Variants in NCOR2 observed in about 807,000 individuals in gnomAD.
NCOR2 encodes the protein CTG repeat protein 26.
A neutral mutation model predicts 262.9 loss-of-function variants in NCOR2; 81 were observed. That is an observed-to-expected ratio of 0.31 (90% CI 0.26 to 0.37). The LOEUF (loss-of-function observed/expected upper bound fraction) is 0.37, where lower values mean the gene tolerates loss of function less well. Ranked by LOEUF, NCOR2 falls within the 10% of genes least tolerant of loss-of-function variation. The pLI is 1.00. For missense variants in NCOR2, 3,385 were observed against 3,621.4 expected, an observed-to-expected ratio of 0.93 and a Z score of 1.68; for synonymous variants, 1,659 against 1,559.3, an observed-to-expected ratio of 1.06 and a Z score of -1.51.
exon 30 of NCOR2, chr12:124,347,906 T>A: frequency 6.4e-7 from 1 of 1,560,048 alleles, no homozygotes. Flanking sequence ...GCACGGCCCA[T>A]GAGACCTGGG....
At chr12:124,398,265 G>A in intron 15 of NCOR2, 84 bp from the exon 18 acceptor site, 1 of 1,458,410 alleles carries the variant, frequency 6.9e-7, no homozygotes, top group Non-Finnish European at 9.6e-7. Flanking sequence ...TTGAGCCAGG[G>A]AGGGAGTAGA....
chr12:124,491,904 G>GTAGGTAGGCACAGAGAGA (rs1452567032), intron 1 of NCOR2, among the ~76,000 whole-genome samples: 5 of 152,218 alleles, frequency 3.3e-5, no homozygotes, highest in African/African-American at 1.2e-4. Flanking sequence ...GGCACAGAGG[G>GTAGGTAGGCACAGAGAGA]ATGCGGCAGG....
intron 22 of NCOR2, 116 bp downstream of exon 24, chr12:124,362,010 G>T: frequency 1.0e-6 from 1 of 972,424 alleles, no homozygotes; most frequent in Non-Finnish European, 1.3e-6. Flanking sequence ...CGTTTACTTT[G>T]CTTTCCCTGC....
chr12:124,325,386 C>CCCCCT, exon 47 of NCOR2: 1 of 589,828 alleles, frequency 1.7e-6, no homozygotes, highest in Non-Finnish European at 2.4e-6. Flanking sequence ...CGCCCCCCCC[C>CCCCCT]CCGCCCTGTT....
At chr12:124,338,785 C>T (rs994947346) in intron 37 of NCOR2, among the ~76,000 whole-genome samples, 8 of 151,980 alleles carry the variant, frequency 5.3e-5, no homozygotes, top group Non-Finnish European at 5.9e-5. Flanking sequence ...ACCAAACAAC[C>T]TCCCCATCTA....
At chr12:124,354,626 G>A in intron 25 of NCOR2, 44 bp from the exon 28 acceptor site, 1 of 1,457,986 alleles carries the variant, frequency 6.9e-7, no homozygotes, top group Non-Finnish European at 9.1e-7. Flanking sequence ...GCCGGAGCAG[G>A]GTCCCGGGAG....
intron 11 of NCOR2, 99 bp downstream of exon 13, chr12:124,426,523 C>G (rs1376192200): frequency 2.5e-6 from 3 of 1,224,444 alleles, no homozygotes; most frequent in Non-Finnish European, 2.2e-6. Flanking sequence ...TAAGCACCCC[C>G]CGGCATGCTC....
chr12:124,556,615 T>C (rs1043195557), intron 1 of NCOR2, among the ~76,000 whole-genome samples: 2 of 152,082 alleles, frequency 1.3e-5, no homozygotes, highest in African/African-American at 4.8e-5. Flanking sequence ...ATCCCAGCAC[T>C]TTGGGAGGCC....
intron 13 of NCOR2, among the ~76,000 whole-genome samples, chr12:124,409,425 G>A (rs1161153001): frequency 1.4e-4 from 21 of 152,228 alleles, no homozygotes; most frequent in Admixed American, 1.4e-3. Context: ...ACTCAGGTCT[G>A]AGCCCAAGGG....
At chr12:124,380,904 G>A (rs1271308) in intron 17 of NCOR2, among the ~76,000 whole-genome samples, 152,109 of 152,282 alleles carry the variant, frequency 1, 75,969 homozygotes, top group Non-Finnish European at 1. Flanking sequence ...CACATGGTCC[G>A]GCACTGTGGG....
chr12:124,531,450 C>A lies in NCOR2; in HGVS notation c.-118+4115G>T, dbSNP rs548067935. On this transcript the variant is annotated intron_variant, in intron 1 of 46. Coordinates refer to the NCOR2 transcript ENST00000404621. The surrounding 1 kb of genome is among the most constrained non-coding windows in gnomAD (Gnocchi z 4.5). Reference sequence around the variant, plus strand: ...CCTCTCAGCCCGCCATCACAGGCACCATTAATTGCTGTCATTTGAGGGTGG... The same window carrying A: ...CCTCTCAGCCCGCCATCACAGGCACAATTAATTGCTGTCATTTGAGGGTGG... 6.6e-6 allele frequency among the ~76,000 whole-genome samples: 1 copy of A among 152,078 alleles called. No individual in the cohort carries two copies. Among genetic ancestry groups the A allele is most frequent in the African/African-American group, 2.4e-5 (1 of 41,394 alleles).
chr12:124,404,331 C>T (rs1043487158), intron 13 of NCOR2, among the ~76,000 whole-genome samples: 6 of 152,170 alleles, frequency 3.9e-5, no homozygotes, highest in African/African-American at 7.2e-5. Flanking sequence ...TGGGCAGGGC[C>T]GGGGCTTTTG....
At chr12:124,357,000 T>C in intron 22 of NCOR2, 2 of 532,904 alleles carry the variant, frequency 3.8e-6, no homozygotes. Context: ...TCTCAAGGTC[T>C]GAGCTGGGGG....
At chr12:124,463,053 G>A (rs908186364) in intron 5 of NCOR2, among the ~76,000 whole-genome samples, 6 of 152,134 alleles carry the variant, frequency 3.9e-5, no homozygotes, top group Non-Finnish European at 7.3e-5. Context: ...CTCAAGGCCC[G>A]TCTCCTCTAT....
chr12:124,350,244 C>G (rs1423442881), intron 28 of NCOR2, among the ~76,000 whole-genome samples: 1 of 152,166 alleles, frequency 6.6e-6, no homozygotes, highest in East Asian at 1.9e-4. Flanking sequence ...GCCATGGCCT[C>G]TTTCATGGCC....
chr12:124,378,895 C>A lies in NCOR2; in HGVS notation c.2020-511G>T, dbSNP rs1295767429. 5.6e-5 allele frequency among the ~76,000 whole-genome samples: 8 copies of A among 143,080 alleles called. No homozygotes were observed. In the South Asian group the frequency reaches 1.1e-3, roughly 20 times the overall value. The allele number at this position is 143,080 out of a possible 152,430, so 93.9% of individuals were successfully genotyped here. On this transcript the variant is annotated intron_variant, in intron 17 of 46. Coordinates refer to ENST00000405201, the Ensembl canonical transcript of NCOR2. The surrounding 1 kb of genome is among the most constrained non-coding windows in gnomAD (Gnocchi z 4.2). ...TCTGCATACCAGGGCTGTGGGGACA[C>A]AAGGCACGGGGTAGACAAGGTCCTG...
Position 124,432,589 on chromosome 12 carries a change from C to T in NCOR2, c.883-1802G>A, listed in dbSNP as rs1188197878. 2.6e-5 allele frequency among the ~76,000 whole-genome samples: 4 copies of T among 152,188 alleles called. No homozygotes were observed. Among genetic ancestry groups the T allele is most frequent in the Admixed American group, 6.5e-5 (1 of 15,282 alleles). On this transcript the variant is annotated intron_variant, in intron 8 of 46. Transcript: ENST00000405201. This position sits in a 1 kb window ranked among gnomAD's most constrained non-coding sequence, Gnocchi z 5.1. ...ACAGGAAGCTGTGCTGTACAACATG[C>T]GGGCCCGTCAGCCCTGGGGAGGGGC... is the stretch of plus-strand genomic sequence containing the variant.
chr12:124,558,553 CGAGAG>C (rs1167770271), intron 1 of NCOR2, among the ~76,000 whole-genome samples: 1 of 152,056 alleles, frequency 6.6e-6, no homozygotes, highest in Non-Finnish European at 1.5e-5. Flanking sequence ...GGTGGGCCAT[CGAGAG>C]GTGGCTGGGA....
intron 1 of NCOR2, among the ~76,000 whole-genome samples, chr12:124,490,887 G>T (rs1369598143): frequency 6.6e-6 from 1 of 152,258 alleles, no homozygotes; most frequent in Non-Finnish European, 1.5e-5. Flanking sequence ...TGACCCTGCC[G>T]GACTGGGCCT....
Sources: gnomAD v4.1 joint callset for allele counts (sites outside exome capture counted in the v4.1 genomes callset) on GRCh38, gnomAD v4.1.1 for gene constraint, Gnocchi (gnomAD v3.1) non-coding constraint, MANE v1.5 for transcripts, NCBI Gene and HGNC (gene_info 2026-07-23, HGNC 2026-07-21) for gene names.